THSD7B: variants seen among roughly 807,000 people sequenced by gnomAD.
THSD7B encodes the protein thrombospondin type 1 domain containing 7B.
In THSD7B, 138 loss-of-function variants were observed where a neutral mutation model predicts 213.6. That is an observed-to-expected ratio of 0.65 (90% CI 0.56 to 0.74). The LOEUF (loss-of-function observed/expected upper bound fraction) is 0.74, where lower values mean the gene tolerates loss of function less well. Among genes scored for constraint, THSD7B ranks in the 30% least tolerant of loss-of-function variants. The probability of loss-of-function intolerance (pLI) is 0.00; values close to 1 mark genes in which losing one functional copy is unlikely to be tolerated. For missense variants in THSD7B, 1,931 were observed against 1,991.5 expected, an observed-to-expected ratio of 0.97 and a Z score of 0.58; for synonymous variants, 742 against 687.0, an observed-to-expected ratio of 1.08 and a Z score of -1.25.
chr2:137,191,446 G>A (rs980075098), intron 7 of THSD7B, among the ~76,000 whole-genome samples: 3 of 151,906 alleles, frequency 2.0e-5, no homozygotes, highest in African/African-American at 2.4e-5. Flanking sequence ...CTGGGATGAG[G>A]GGTTGCCTTT....
intron 15 of THSD7B, among the ~76,000 whole-genome samples, chr2:137,502,941 G>C (rs111522330): frequency 6.6e-6 from 1 of 152,080 alleles, no homozygotes; most frequent in Non-Finnish European, 1.5e-5. Context: ...CATTCACTCT[G>C]TAATTTTTAG....
intron 21 of THSD7B, among the ~76,000 whole-genome samples, chr2:137,653,246 C>T (rs1043600272): frequency 6.6e-6 from 1 of 151,990 alleles, no homozygotes; most frequent in Non-Finnish European, 1.5e-5. Context: ...TTGAAAATGT[C>T]CCACTCCCTT....
chr2:137,307,599 A>G (rs970934668), intron 12 of THSD7B, among the ~76,000 whole-genome samples: 3 of 152,126 alleles, frequency 2.0e-5, no homozygotes, highest in African/African-American at 7.2e-5. Flanking sequence ...GTCAAATGCC[A>G]AATGTTAAAT....
At chr2:136,777,226 T>C (rs1991411) in intron 1 of THSD7B, among the ~76,000 whole-genome samples, 40,914 of 152,020 alleles carry the variant, frequency 0.27, 5,960 homozygotes, top group Non-Finnish European at 0.32. Context: ...GTGGGTGATG[T>C]AGTGAAATTG....
intron 5 of THSD7B, among the ~76,000 whole-genome samples, chr2:137,139,924 G>A (rs1679547403): frequency 6.6e-6 from 1 of 152,146 alleles, no homozygotes; most frequent in Admixed American, 6.6e-5. Flanking sequence ...AGTTTAATGA[G>A]ACTATCTTCC....
At chr2:137,534,750 A>G (rs1216217274) in intron 15 of THSD7B, among the ~76,000 whole-genome samples, 2 of 151,774 alleles carry the variant, frequency 1.3e-5, no homozygotes, top group African/African-American at 2.4e-5. Context: ...GAGTTTCTCA[A>G]AAAAGAAGCT....
intron 2 of THSD7B, among the ~76,000 whole-genome samples, chr2:137,051,751 G>C (rs934318403): frequency 6.6e-6 from 1 of 152,136 alleles, no homozygotes; most frequent in African/African-American, 2.4e-5. Flanking sequence ...TGCATGCATG[G>C]TATTAAATCA....
At chr2:136,923,445 T>A (rs920688307) in intron 2 of THSD7B, among the ~76,000 whole-genome samples, 1 of 152,200 alleles carries the variant, frequency 6.6e-6, no homozygotes, top group Non-Finnish European at 1.5e-5. Flanking sequence ...TCCTTTTTCT[T>A]CAATTCTTGT....
chr2:136,977,416 G>T (rs1203837687), intron 2 of THSD7B, among the ~76,000 whole-genome samples: 1 of 140,970 alleles, frequency 7.1e-6, no homozygotes, highest in Non-Finnish European at 1.5e-5. Flanking sequence ...CCTGCTTCTG[G>T]GTTTGTTGAT....
chr2:137,145,934 T>G (rs976597027), intron 5 of THSD7B, among the ~76,000 whole-genome samples: 1 of 152,078 alleles, frequency 6.6e-6, no homozygotes. Context: ...TATTTGGTGC[T>G]TTCTCTCTCA....
At chr2:137,560,898 A>C (rs955689249) in intron 15 of THSD7B, among the ~76,000 whole-genome samples, 1 of 152,102 alleles carries the variant, frequency 6.6e-6, no homozygotes, top group Non-Finnish European at 1.5e-5. Context: ...CATCCCAAAG[A>C]AACACTAACT....
chr2:137,381,737 CT>C lies in THSD7B; in HGVS notation c.2501-23873del, dbSNP rs1685780363. ...AAGCAGCCCAATGAAGTACTCTTAA[CT>C]TTGTGGAGACAGTTGTCTTTGGAAC... On this transcript the variant is annotated intron_variant, in intron 12 of 27. Transcript: ENST00000409968. 1.3e-5 allele frequency among the ~76,000 whole-genome samples: 2 copies of C among 152,174 alleles called. 1 individual carries two copies.
rs181441631 is a variant in THSD7B, at chr2:137,103,916, G to C, written c.1199+8795G>C. The stretch of plus-strand genomic sequence containing the variant: ...ACTTAGAGACCTACAAAGAGACTTA[G>C]ACTCCCACACAATAATAGTGGGAGA... On this transcript the variant is annotated intron_variant, in intron 4 of 27. Coordinates refer to ENST00000409968, the MANE Select transcript of THSD7B (RefSeq NM_001316349.2). Among the ~76,000 whole-genome samples the C allele has an allele frequency of 7.5e-3, 1,136 of 152,202 alleles. 10 individuals are homozygous for C. Among genetic ancestry groups the C allele is most frequent in the Non-Finnish European group, 0.011 (736 of 68,010 alleles).
At chr2:137,326,330 C>A (rs1320399021) in intron 12 of THSD7B, among the ~76,000 whole-genome samples, 2 of 152,272 alleles carry the variant, frequency 1.3e-5, no homozygotes, top group East Asian at 3.9e-4. Flanking sequence ...CTTTGTCTGG[C>A]ATGTAGTTGA....
chr2:136,916,459 T>C (rs1684350180), intron 2 of THSD7B, among the ~76,000 whole-genome samples: 1 of 152,176 alleles, frequency 6.6e-6, no homozygotes, highest in Non-Finnish European at 1.5e-5. Context: ...CAAAGGAGGC[T>C]TAGTTAGCCC....
intron 2 of THSD7B, among the ~76,000 whole-genome samples, chr2:136,925,279 T>C (rs1385138344): frequency 6.6e-6 from 1 of 152,348 alleles, no homozygotes; most frequent in Non-Finnish European, 1.5e-5. Context: ...TTTTAGTTTT[T>C]CACCATTGAG....
chr2:136,999,544 C>T (rs375113286), intron 2 of THSD7B, among the ~76,000 whole-genome samples: 8 of 149,860 alleles, frequency 5.3e-5, no homozygotes, highest in Non-Finnish European at 1.0e-4. Context: ...AATTCACCCT[C>T]GGAATTTTTA....
chr2:137,130,959 C>A (rs1214182150), intron 5 of THSD7B, among the ~76,000 whole-genome samples: 1 of 151,808 alleles, frequency 6.6e-6, no homozygotes, highest in Non-Finnish European at 1.5e-5. Flanking sequence ...GCCACACTGA[C>A]TTCTAAAATG....
chr2:137,228,158 T>TTTTC (rs10624718), intron 7 of THSD7B, among the ~76,000 whole-genome samples: 6,264 of 149,096 alleles, frequency 0.042, 374 homozygotes, highest in African/African-American at 0.14. Context: ...TTTTTTTTTT[T>TTTTC]TCAAGATTTC....
Sources: gnomAD v4.1 joint callset for allele counts (sites outside exome capture counted in the v4.1 genomes callset) on GRCh38, gnomAD v4.1.1 for gene constraint, MANE v1.5 for transcripts, NCBI Gene and HGNC (gene_info 2026-07-23, HGNC 2026-07-21) for gene names.